Variants in FOXP1 observed in about 807,000 individuals in gnomAD.
The protein encoded by FOXP1 is forkhead box P1, also known as forkhead box protein P1.
Under a neutral mutation model 98.2 loss-of-function variants are expected in FOXP1, and 15 were observed. That is an observed-to-expected ratio of 0.15 (90% CI 0.10 to 0.24). FOXP1 has a LOEUF of 0.24. Among genes scored for constraint, FOXP1 ranks in the 10% least tolerant of loss-of-function variants. The pLI is 1.00. For missense variants in FOXP1, 633 were observed against 848.5 expected, an observed-to-expected ratio of 0.75 and a Z score of 3.15; for synonymous variants, 371 against 314.5, an observed-to-expected ratio of 1.18 and a Z score of -1.90.
chr3:71,308,804 T>TGTGTGTGTGTGTGG (rs1553836101), intron 4 of FOXP1, among the ~76,000 whole-genome samples: 4 of 128,082 alleles, frequency 3.1e-5, no homozygotes, highest in African/African-American at 1.1e-4. Flanking sequence ...TGTGTGTGTG[T>TGTGTGTGTGTGTGG]GTGGGTGAGG....
At position 71,229,465 on chromosome 3, in the gene FOXP1, T is replaced by A. The variant is rs537124890; in HGVS notation, c.-11-31073A>T. ...GTAAAAATTCCCCAATGAAACATAA[T>A]TCAGAAAATCTTGGCTTCACCTAGT... On this transcript the variant is annotated intron_variant, in intron 5 of 20. Transcript: ENST00000649528. 4.9e-4 allele frequency among the ~76,000 whole-genome samples: 75 copies of A among 152,270 alleles called. 2 individuals are homozygous for A. Among genetic ancestry groups the A allele is most frequent in the South Asian group, 4.1e-3 (20 of 4,824 alleles).
intron 11 of FOXP1, among the ~76,000 whole-genome samples, chr3:71,034,016 C>T (rs1271437291): frequency 6.6e-6 from 1 of 152,142 alleles, no homozygotes. Flanking sequence ...TAGGCCTCTG[C>T]AGTTAGCCAC....
At chr3:70,967,710 G>GTTTTTTTT (rs756777959) in intron 19 of FOXP1, among the ~76,000 whole-genome samples, 22 of 68,868 alleles carry the variant, frequency 3.2e-4, no homozygotes, top group East Asian at 5.1e-4. Flanking sequence ...GTTTTTTTTT[G>GTTTTTTTT]TTTTTTTTTT....
At chr3:70,979,793 AG>A (rs1194453817) in intron 14 of FOXP1, among the ~76,000 whole-genome samples, 5 of 146,296 alleles carry the variant, frequency 3.4e-5, no homozygotes, top group Non-Finnish European at 1.5e-5. Context: ...AAAAAAAAAA[AG>A]GGAGGGGGGC....
chr3:71,551,558 T>C (rs1287545353), intron 2 of FOXP1, among the ~76,000 whole-genome samples: 2 of 152,234 alleles, frequency 1.3e-5, no homozygotes, highest in African/African-American at 2.4e-5. Flanking sequence ...TCCTGGTTCC[T>C]CAAGTTATAG....
rs577602850 is a variant in FOXP1, at chr3:71,186,580, G to A, written c.180+11622C>T. Among the ~76,000 whole-genome samples, 20 of 152,242 alleles carry A rather than the reference G, an allele frequency of 1.3e-4. No individual in the cohort carries two copies. The South Asian group carries it at 1.7e-3, about 13-fold the overall frequency. On this transcript the variant is annotated intron_variant, in intron 6 of 20. Coordinates refer to ENST00000649528, the MANE Select transcript of FOXP1 (RefSeq NM_001349338.3). ...ACAAAAATTAGCTGGGTGTGGTGGC[G>A]CAAGCCTGTAGTCCCAGCTACTTGG...
chr3:71,400,109 G>A (rs1163326540), intron 3 of FOXP1, among the ~76,000 whole-genome samples: 2 of 152,002 alleles, frequency 1.3e-5, no homozygotes, highest in African/African-American at 4.8e-5. Context: ...GGCAGTGTAT[G>A]TTTTCCTGGG....
At chr3:70,965,842 G>A (rs754232636) in intron 20 of FOXP1, 48 bp downstream of exon 20, 2 of 1,582,014 alleles carry the variant, frequency 1.3e-6, no homozygotes, top group Non-Finnish European at 1.7e-6. Context: ...GTGTACCTAG[G>A]GAGACTAGGG....
At chr3:71,129,593 A>G (rs1332078776) in intron 6 of FOXP1, among the ~76,000 whole-genome samples, 1 of 152,328 alleles carries the variant, frequency 6.6e-6, no homozygotes, top group East Asian at 1.9e-4. Context: ...TAGTTAAAAA[A>G]GAAATATTAA....
At chr3:71,063,532 A>G (rs2051842969) in intron 7 of FOXP1, among the ~76,000 whole-genome samples, 1 of 152,234 alleles carries the variant, frequency 6.6e-6, no homozygotes, top group South Asian at 2.1e-4. Flanking sequence ...AAACAGCAAA[A>G]CAGGGCCGCT....
At chr3:71,395,916 A>C (rs2081345587) in intron 3 of FOXP1, among the ~76,000 whole-genome samples, 1 of 152,314 alleles carries the variant, frequency 6.6e-6, no homozygotes, top group Admixed American at 6.5e-5. Flanking sequence ...ATATATTATA[A>C]ATGCTCTGCA....
chr3:71,178,155 T>TGA (rs35786749), intron 6 of FOXP1, among the ~76,000 whole-genome samples: 151 of 144,850 alleles, frequency 1.0e-3, no homozygotes, highest in East Asian at 1.6e-3. Context: ...TTTTTTTTTT[T>TGA]GAGAGAGTCT....
chr3:71,162,137 T>C (rs1363277979), intron 6 of FOXP1, among the ~76,000 whole-genome samples: 1 of 152,228 alleles, frequency 6.6e-6, no homozygotes, highest in Non-Finnish European at 1.5e-5. Context: ...CTTAAGTGCT[T>C]TTTAACCTGG....
upstream of FOXP1, chr3:71,583,816 C>T (rs1317946240): frequency 2.5e-5 from 25 of 987,146 alleles, no homozygotes; most frequent in Non-Finnish European, 2.6e-5. Context: ...GTGGCGGCGG[C>T]GGCGGCGGCA....
At chr3:71,278,946 C>T (rs1304417311) in intron 5 of FOXP1, among the ~76,000 whole-genome samples, 1 of 151,974 alleles carries the variant, frequency 6.6e-6, no homozygotes, top group East Asian at 1.9e-4. Flanking sequence ...AATCCCAGCA[C>T]TTTGGGAGGC....
chr3:71,126,328 C>CA (rs528792162), intron 6 of FOXP1, among the ~76,000 whole-genome samples: 7,800 of 143,678 alleles, frequency 0.054, 575 homozygotes, highest in African/African-American at 0.16. Context: ...ATTAAAAATA[C>CA]AAAAAAAAAA....
intron 6 of FOXP1, among the ~76,000 whole-genome samples, chr3:71,171,548 G>A (rs1476894500): frequency 2.0e-5 from 3 of 152,138 alleles, no homozygotes; most frequent in Non-Finnish European, 4.4e-5. Flanking sequence ...TACTGAATGA[G>A]CAGTGTCATC....
intron 2 of FOXP1, among the ~76,000 whole-genome samples, chr3:71,514,311 A>G (rs1289899474): frequency 1.3e-5 from 2 of 152,176 alleles, no homozygotes; most frequent in Non-Finnish European, 2.9e-5. Flanking sequence ...AGCACCTTTA[A>G]AAAGAACTAC....
intron 6 of FOXP1, among the ~76,000 whole-genome samples, chr3:71,187,475 A>G (rs1334333334): frequency 6.6e-6 from 1 of 152,084 alleles, no homozygotes; most frequent in Non-Finnish European, 1.5e-5. Flanking sequence ...CCCAGCTACT[A>G]GGGAAGCTGA....
Sources: allele counts gnomAD v4.1 joint callset (sites outside exome capture counted in the v4.1 genomes callset), GRCh38; gene constraint gnomAD v4.1.1; transcripts MANE v1.5; gene names NCBI Gene and HGNC (gene_info 2026-07-23, HGNC 2026-07-21).